Variants in LHPP observed in about 807,000 individuals in gnomAD.
LHPP encodes the protein hLHPP.
Under a neutral mutation model 30.3 loss-of-function variants are expected in LHPP, and 24 were observed. That is an observed-to-expected ratio of 0.79 (90% CI 0.57 to 1.11). The LOEUF (loss-of-function observed/expected upper bound fraction) is 1.11, where lower values mean the gene tolerates loss of function less well. LHPP is among the 50% of genes most tolerant of loss of function. The pLI is 0.00. For synonymous variants in LHPP, 150 were observed against 157.1 expected (o/e 0.95, Z 0.34); for missense variants, 356 against 367.2 (o/e 0.97, Z 0.25).
chr10:124,591,529 T>G (rs1431760627), intron 6 of LHPP, among the ~76,000 whole-genome samples: 2 of 152,132 alleles, frequency 1.3e-5, no homozygotes, highest in African/African-American at 4.8e-5. Context: ...AAAGTCATTG[T>G]GGACACTGAG....
intron 2 of LHPP, among the ~76,000 whole-genome samples, 192 bp downstream of exon 2, chr10:124,484,518 C>T (rs1413891471): frequency 6.6e-6 from 1 of 151,822 alleles, no homozygotes; most frequent in Non-Finnish European, 1.5e-5. Flanking sequence ...CCAGCTCTGT[C>T]CATTCCTTGG....
At chr10:124,568,612 G>A (rs1948533143) in intron 6 of LHPP, among the ~76,000 whole-genome samples, 1 of 152,208 alleles carries the variant, frequency 6.6e-6, no homozygotes, top group African/African-American at 2.4e-5. Context: ...GAGGCTTACC[G>A]TGCTGGACCA....
At chr10:124,522,729 C>CCA (rs1045893147) in intron 6 of LHPP, among the ~76,000 whole-genome samples, 8 of 149,506 alleles carry the variant, frequency 5.4e-5, no homozygotes, top group Non-Finnish European at 7.4e-5. Flanking sequence ...CCACGCCCCC[C>CCA]CCCAAGCACT....
At chr10:124,579,996 T>A (rs1948723498) in intron 6 of LHPP, among the ~76,000 whole-genome samples, 1 of 152,234 alleles carries the variant, frequency 6.6e-6, no homozygotes, top group South Asian at 2.1e-4. Context: ...TGTAATATAA[T>A]CCACATTTTC....
intron 6 of LHPP, among the ~76,000 whole-genome samples, chr10:124,532,283 C>A (rs1377333975): frequency 6.6e-6 from 1 of 152,214 alleles, no homozygotes; most frequent in Non-Finnish European, 1.5e-5. Context: ...CAGCCCAGGG[C>A]CCCAGGTGTG....
chr10:124,553,979 TG>T, intron 6 of LHPP: 1 of 985,434 alleles, frequency 1.0e-6, no homozygotes, highest in Non-Finnish European at 1.2e-6. Context: ...CTCTGGGAAC[TG>T]GGCGCTCCTG....
intron 6 of LHPP, among the ~76,000 whole-genome samples, chr10:124,555,031 T>G (rs952500328): frequency 2.6e-5 from 4 of 152,188 alleles, no homozygotes; most frequent in Non-Finnish European, 5.9e-5. Context: ...GTGAGGAAAC[T>G]GAGGCTCAGA....
intron 6 of LHPP, among the ~76,000 whole-genome samples, chr10:124,528,851 G>A (rs546206312): frequency 7.5e-4 from 114 of 152,206 alleles, no homozygotes; most frequent in African/African-American, 2.6e-3. Flanking sequence ...TTCCTTCTAG[G>A]GAGGGAGGTT....
At chr10:124,607,687 TC>T (rs1308031831) in intron 6 of LHPP, among the ~76,000 whole-genome samples, 1 of 151,944 alleles carries the variant, frequency 6.6e-6, no homozygotes, top group Non-Finnish European at 1.5e-5. Flanking sequence ...TGGGGGCCAG[TC>T]CCCCGGGGGC....
At chr10:124,529,900 A>G (rs750640036) in intron 6 of LHPP, among the ~76,000 whole-genome samples, 6 of 152,074 alleles carry the variant, frequency 3.9e-5, no homozygotes, top group Non-Finnish European at 8.8e-5. Context: ...CCCAGCGGGG[A>G]AGGGGTGTGG....
intron 6 of LHPP, among the ~76,000 whole-genome samples, chr10:124,555,753 A>G (rs535143221): frequency 6.6e-6 from 1 of 152,320 alleles, no homozygotes; most frequent in South Asian, 2.1e-4. Context: ...TATTTTTCAA[A>G]AAAAAATTCA....
At chr10:124,482,102 T>G (rs1953156459) in intron 1 of LHPP, among the ~76,000 whole-genome samples, 1 of 152,196 alleles carries the variant, frequency 6.6e-6, no homozygotes, top group Non-Finnish European at 1.5e-5. Context: ...TCACACTGGG[T>G]TCAGTTTGAG....
At position 124,592,718 on chromosome 10, in the gene LHPP, C is replaced by T. The variant is rs1382341654; in HGVS notation, c.717-20546C>T. On this transcript the variant is annotated intron_variant, in intron 6 of 6. Coordinates refer to ENST00000368842, the MANE Select transcript of LHPP (RefSeq NM_022126.4). This position sits in a 1 kb window ranked among gnomAD's most constrained non-coding sequence, Gnocchi z 6.2. ...TGTGGCTTCCCAGTAAACGGTGGGA[C>T]AGGACCAGGGTCTGAGGAAAAGCAA... Among the ~76,000 whole-genome samples, 2 of 152,242 alleles carry T rather than the reference C, an allele frequency of 1.3e-5. No homozygotes were observed. The highest frequency in any genetic ancestry group is 3.9e-4 in the East Asian group (2 of 5,192).
intron 6 of LHPP, among the ~76,000 whole-genome samples, chr10:124,577,398 C>T (rs1948677869): frequency 6.6e-6 from 1 of 152,212 alleles, no homozygotes; most frequent in Non-Finnish European, 1.5e-5. Flanking sequence ...GGAATGAGTC[C>T]ACCCTGAGAT....
chr10:124,510,456 G>C lies in LHPP; in HGVS notation c.625-6724G>C, dbSNP rs1330805567. 6.6e-6 allele frequency among the ~76,000 whole-genome samples: 1 copy of C among 152,168 alleles called. No homozygotes were observed. Among genetic ancestry groups the C allele is most frequent in the Non-Finnish European group, 1.5e-5 (1 of 68,030 alleles). ...CTCGCCGACAGCTTCCCGGGGCTCTGCCTGGAGGCAGCCTCGCTTTATCCC... is the reference window on the plus strand; with the variant it reads ...CTCGCCGACAGCTTCCCGGGGCTCTCCCTGGAGGCAGCCTCGCTTTATCCC... On this transcript the variant is annotated intron_variant, in intron 5 of 6. Coordinates refer to ENST00000368842, the MANE Select transcript of LHPP (RefSeq NM_022126.4). The surrounding 1 kb of genome is among the most constrained non-coding windows in gnomAD (Gnocchi z 4.0).
chr10:124,493,949 G>A (rs1953619637), intron 3 of LHPP: 1 of 152,156 alleles, frequency 6.6e-6, no homozygotes, highest in Non-Finnish European at 1.5e-5. Flanking sequence ...TTTTCTGAAT[G>A]AATAAGGAAT....
intron 6 of LHPP, among the ~76,000 whole-genome samples, chr10:124,556,931 T>C (rs1948310411): frequency 6.6e-6 from 1 of 152,210 alleles, no homozygotes; most frequent in Non-Finnish European, 1.5e-5. Context: ...TGTGGTTCAT[T>C]TATTCTCTGG....
At chr10:124,527,905 C>T (rs1954786570) in intron 6 of LHPP, among the ~76,000 whole-genome samples, 1 of 152,148 alleles carries the variant, frequency 6.6e-6, no homozygotes, top group African/African-American at 2.4e-5. Flanking sequence ...CTCAGCCTCC[C>T]AAATAGCTGG....
chr10:124,574,011 G>C (rs4962654), intron 6 of LHPP, among the ~76,000 whole-genome samples: 65,503 of 151,910 alleles, frequency 0.43, 14,448 homozygotes, highest in Middle Eastern at 0.52. Flanking sequence ...CTGCCCCACA[G>C]GTGTCACCCA....
Sources: gnomAD v4.1 joint callset for allele counts (sites outside exome capture counted in the v4.1 genomes callset) on GRCh38, gnomAD v4.1.1 for gene constraint, Gnocchi (gnomAD v3.1) non-coding constraint, MANE v1.5 for transcripts, NCBI Gene and HGNC (gene_info 2026-07-23, HGNC 2026-07-21) for gene names.